Variants in PNPT1 observed in about 807,000 individuals in gnomAD.
The protein encoded by PNPT1 is polyribonucleotide nucleotidyltransferase 1.
In PNPT1, 53 loss-of-function variants were observed where a neutral mutation model predicts 119.5. The ratio of observed to expected loss-of-function variants is 0.44; its 90% CI spans 0.36 to 0.56. The LOEUF is 0.56. Ranked by LOEUF, PNPT1 falls within the 20% of genes least tolerant of loss-of-function variation. PNPT1 has a pLI of 0.00. For missense variants in PNPT1, 948 were observed against 938.5 expected (o/e 1.01, Z -0.13); for synonymous variants, 357 against 322.1 (o/e 1.11, Z -1.16).
chr2:55,677,493 C>A (rs1697109737), intron 8 of PNPT1, among the ~76,000 whole-genome samples: 1 of 145,538 alleles, frequency 6.9e-6, no homozygotes, highest in Non-Finnish European at 1.5e-5. Flanking sequence ...ACTTGGGAGA[C>A]TGAGGCAGGA....
At position 55,661,900 on chromosome 2, in the gene PNPT1, T is replaced by C. The variant is rs185037248; in HGVS notation, c.1247+56A>G. 8.9e-3 allele frequency: 12,519 copies of C among 1,406,914 alleles called. 69 individuals carry two copies. Among genetic ancestry groups the C allele is most frequent in the Middle Eastern group, 0.011 (50 of 4,514 alleles). 87.2% of individuals were successfully genotyped at this position (1,406,914 alleles called of 1,614,324 possible). On this transcript the variant is annotated intron_variant, in intron 14 of 27. Coordinates refer to ENST00000447944, the MANE Select transcript of PNPT1 (RefSeq NM_033109.5). ...AATTAATAATATACCACATAAGCTT[T>C]AATTATATAATAGAACATCATAAAA...
Position 55,667,021 on chromosome 2 carries a change from T to A in PNPT1, c.1146A>T (p.Gly382=), listed in dbSNP as rs1696754001. 3 of 1,602,480 alleles carry A rather than the reference T, an allele frequency of 1.9e-6. No individual in the cohort carries two copies. Among genetic ancestry groups the A allele is most frequent in the Non-Finnish European group, 2.6e-6 (3 of 1,176,198 alleles). The stretch of plus-strand genomic sequence containing the variant: ...TTTGTCCTCTTTGAAATAATGCTGA[T>A]CCATGAAGGGTTTTAAACATATCTA... ...CEVDMFKTLH[G]SALFQRGQTQ... Residue 382 remains glycine, a synonymous_variant, in exon 13 of 28, where the codon GGA becomes GGT. Transcript: ENST00000447944.
chr2:55,636,215 G>C lies in PNPT1; in HGVS notation c.*22C>G, dbSNP rs757242652. 1.3e-6 allele frequency: 2 copies of C among 1,551,632 alleles called. No homozygotes were observed. Among genetic ancestry groups the C allele is most frequent in the Non-Finnish European group, 8.8e-7 (1 of 1,138,972 alleles). ...TCACCCTAGACAAAATAGAATTCTAGAATTCTCTTTAAAAAAAAAAATCAC... is the reference window on the plus strand; with the variant it reads ...TCACCCTAGACAAAATAGAATTCTACAATTCTCTTTAAAAAAAAAAATCAC... On this transcript the variant is annotated 3_prime_UTR_variant, in exon 28 of 28. Transcript: ENST00000447944.
chr2:55,683,689 A>T, intron 5 of PNPT1, 96 bp downstream of exon 5: 1 of 1,123,178 alleles, frequency 8.9e-7, no homozygotes, highest in Non-Finnish European at 1.3e-6. Flanking sequence ...AAAAATTCTT[A>T]TGTTCTTTAT....
At chr2:55,687,167 T>C (rs1043240974) in intron 2 of PNPT1, among the ~76,000 whole-genome samples, 1 of 137,520 alleles carries the variant, frequency 7.3e-6, no homozygotes, top group African/African-American at 2.8e-5. Context: ...TGAACCGAGA[T>C]CGCGCCGCTG....
At chr2:55,675,961 G>A (rs1697054167) in intron 8 of PNPT1, among the ~76,000 whole-genome samples, 1 of 152,076 alleles carries the variant, frequency 6.6e-6, no homozygotes. Context: ...ATAAAAGCTT[G>A]TCAAAATGAT....
chr2:55,645,314 G>A lies in PNPT1; in HGVS notation c.1822+35C>T, dbSNP rs375420052. On this transcript the variant is annotated intron_variant, in intron 22 of 27. Transcript: ENST00000447944. ...GCTGGGATTACAGGCGTGAGCCACC[G>A]CGCCCAGCCGATCACTAAAATTTTA... is the stretch of plus-strand genomic sequence containing the variant. 2.2e-5 allele frequency: 32 copies of A among 1,469,092 alleles called. No homozygotes were observed. The African/African-American group carries it at 3.0e-4, about 14-fold the overall frequency. The allele number at this position is 1,469,092 out of a possible 1,614,324, so 91.0% of individuals were successfully genotyped here. A position where few individuals can be genotyped will look rare whatever the true frequency, so the allele number is the denominator to read the frequency against.
At chr2:55,667,390 C>A (rs930122976) in intron 12 of PNPT1, among the ~76,000 whole-genome samples, 1 of 151,996 alleles carries the variant, frequency 6.6e-6, no homozygotes, top group African/African-American at 2.4e-5. Context: ...GTCAGGAGAT[C>A]GAGACCATCC....
intron 21 of PNPT1, among the ~76,000 whole-genome samples, chr2:55,646,051 C>A (rs1271281575): frequency 6.6e-6 from 1 of 152,100 alleles, no homozygotes; most frequent in African/African-American, 2.4e-5. Context: ...TGGTCTCGAA[C>A]TCCTGACCTG....
chr2:55,643,784 T>G (rs1239459635), intron 23 of PNPT1, among the ~76,000 whole-genome samples: 2 of 151,958 alleles, frequency 1.3e-5, no homozygotes, highest in African/African-American at 4.8e-5. Flanking sequence ...AAACTCGTCT[T>G]AAAAATAGAT....
intron 4 of PNPT1, among the ~76,000 whole-genome samples, chr2:55,684,284 G>A (rs1697331532): frequency 6.6e-6 from 1 of 152,214 alleles, no homozygotes; most frequent in Non-Finnish European, 1.5e-5. Flanking sequence ...GAGGTCAGGA[G>A]TTCAAGACCA....
intron 10 of PNPT1, 78 bp from the exon 11 acceptor site, chr2:55,671,454 G>GTGTTCATTGTAT: frequency 1.5e-5 from 13 of 844,400 alleles, no homozygotes; most frequent in Non-Finnish European, 2.1e-5. Flanking sequence ...ATTATACAAT[G>GTGTTCATTGTAT]AACACATTGT....
intron 1 of PNPT1, among the ~76,000 whole-genome samples, chr2:55,691,864 ATATATATATATATATTTTT>A (rs1268109857): frequency 5.4e-5 from 2 of 37,214 alleles, no homozygotes; most frequent in Non-Finnish European, 1.2e-4. Flanking sequence ...ATATATATAT[ATATATATATATATATTTTT>A]TTTTTTTTTT....
chr2:55,648,244 C>G (rs955945544), intron 18 of PNPT1, among the ~76,000 whole-genome samples: 1 of 152,092 alleles, frequency 6.6e-6, no homozygotes, highest in African/African-American at 2.4e-5. Flanking sequence ...TGTTCTGCAC[C>G]TTGCCTTTTT....
intron 11 of PNPT1, among the ~76,000 whole-genome samples, chr2:55,669,479 A>T (rs1696838376): frequency 6.6e-6 from 1 of 152,244 alleles, no homozygotes; most frequent in Non-Finnish European, 1.5e-5. Context: ...TCAGAAAAGA[A>T]TAATTTTTAA....
At chr2:55,670,133 T>C (rs531007272) in intron 11 of PNPT1, among the ~76,000 whole-genome samples, 2 of 152,210 alleles carry the variant, frequency 1.3e-5, no homozygotes, top group East Asian at 3.9e-4. Flanking sequence ...AACTATGTCA[T>C]ACTTCATTTA....
chr2:55,668,050 G>A (rs1035926201), intron 11 of PNPT1, 92 bp from the exon 12 acceptor site: 118 of 1,101,164 alleles, frequency 1.1e-4, no homozygotes, highest in East Asian at 8.3e-4. Flanking sequence ...AACTAACTAC[G>A]GGAATCAACC....
chr2:55,693,504 C>A (rs1239302000), intron 1 of PNPT1, among the ~76,000 whole-genome samples, 159 bp downstream of exon 1: 1 of 152,162 alleles, frequency 6.6e-6, no homozygotes, highest in Non-Finnish European at 1.5e-5. Flanking sequence ...CGAGGAGACA[C>A]ATTCCAAACC....
chr2:55,647,515 T>C, intron 18 of PNPT1, 62 bp from the exon 19 acceptor site: 1 of 1,304,646 alleles, frequency 7.7e-7, no homozygotes, highest in Non-Finnish European at 1.1e-6. Context: ...CAAATATTTA[T>C]CTATCAATTT....
Sources: allele counts gnomAD v4.1 joint callset (sites outside exome capture counted in the v4.1 genomes callset), GRCh38; gene constraint gnomAD v4.1.1; transcripts MANE v1.5; gene names NCBI Gene and HGNC (gene_info 2026-07-23, HGNC 2026-07-21).